TRAPPC9: variants seen among roughly 807,000 people sequenced by gnomAD.
TRAPPC9 encodes IKK2 binding protein.
In TRAPPC9, 83 loss-of-function variants were observed where a neutral mutation model predicts 124.0. That is an observed-to-expected ratio of 0.67 (90% CI 0.56 to 0.80). The LOEUF is 0.80. TRAPPC9 is among the 30% of genes least tolerant of loss of function. TRAPPC9 has a pLI of 0.00. For missense variants in TRAPPC9, 1,302 were observed against 1,508.3 expected (o/e 0.86, Z 2.27); for synonymous variants, 638 against 617.5 (o/e 1.03, Z -0.49).
chr8:140,051,462 C>T (rs1046101586), intron 17 of TRAPPC9, among the ~76,000 whole-genome samples: 40 of 152,240 alleles, frequency 2.6e-4, no homozygotes, highest in African/African-American at 7.0e-4. Context: ...TCTGAGGGGT[C>T]CCTCTCCCTT....
intron 21 of TRAPPC9, among the ~76,000 whole-genome samples, chr8:139,833,728 G>A (rs1043592658): frequency 5.3e-5 from 8 of 152,240 alleles, no homozygotes; most frequent in Admixed American, 3.9e-4. Flanking sequence ...CGCTGCTAAT[G>A]TGCAGTGTGG....
chr8:140,138,141 A>C (rs1321124135), intron 17 of TRAPPC9, among the ~76,000 whole-genome samples: 1 of 152,160 alleles, frequency 6.6e-6, no homozygotes, highest in Admixed American at 6.5e-5. Context: ...TCTCTGCTAA[A>C]AATACAAAAA....
chr8:139,816,859 C>A (rs763484524), intron 21 of TRAPPC9, among the ~76,000 whole-genome samples: 3 of 152,054 alleles, frequency 2.0e-5, no homozygotes, highest in African/African-American at 7.2e-5. Context: ...ACCAAACTCA[C>A]GGCCCGCCCT....
intron 20 of TRAPPC9, among the ~76,000 whole-genome samples, chr8:139,893,156 C>A (rs1394897778): frequency 6.6e-6 from 1 of 152,250 alleles, no homozygotes; most frequent in Non-Finnish European, 1.5e-5. Flanking sequence ...CTGTGCCCCA[C>A]AGCCCTGGCG....
chr8:139,784,459 G>A (rs144246225), intron 21 of TRAPPC9, among the ~76,000 whole-genome samples: 3,252 of 151,578 alleles, frequency 0.021, 104 homozygotes, highest in African/African-American at 0.075. Flanking sequence ...CTGTAATCCC[G>A]GCCACTCAGG....
chr8:140,264,177 A>T (rs2064532710), intron 15 of TRAPPC9, among the ~76,000 whole-genome samples: 1 of 152,216 alleles, frequency 6.6e-6, no homozygotes, highest in Non-Finnish European at 1.5e-5. Context: ...GGTAGCTCTC[A>T]TATGGCACTT....
chr8:140,280,804 C>G (rs1310011154), intron 14 of TRAPPC9, among the ~76,000 whole-genome samples: 2 of 152,200 alleles, frequency 1.3e-5, no homozygotes, highest in African/African-American at 4.8e-5. Context: ...TCAGTTTAGT[C>G]CCCACACCAC....
At chr8:140,363,197 T>A (rs186517869) in intron 8 of TRAPPC9, among the ~76,000 whole-genome samples, 1 of 152,112 alleles carries the variant, frequency 6.6e-6, no homozygotes, top group Non-Finnish European at 1.5e-5. Context: ...AAAGGCATGA[T>A]CAAAAATCTT....
At chr8:140,052,313 G>C (rs1587600563) in intron 17 of TRAPPC9, among the ~76,000 whole-genome samples, 1 of 152,152 alleles carries the variant, frequency 6.6e-6, no homozygotes, top group Non-Finnish European at 1.5e-5. Context: ...TTAAAAGTAA[G>C]TCTGGAATAA....
At chr8:140,293,671 C>A (rs531076716) in intron 11 of TRAPPC9, among the ~76,000 whole-genome samples, 1 of 151,518 alleles carries the variant, frequency 6.6e-6, no homozygotes, top group African/African-American at 2.4e-5. Context: ...ACAATGAGAA[C>A]ACATGGACAC....
chr8:140,451,721 C>T (rs1368938098), intron 1 of TRAPPC9, among the ~76,000 whole-genome samples: 1 of 152,132 alleles, frequency 6.6e-6, no homozygotes, highest in East Asian at 1.9e-4. Context: ...GTAATTGCTC[C>T]CCCATCCCCT....
At chr8:140,324,888 C>T (rs2131964811) in intron 9 of TRAPPC9, among the ~76,000 whole-genome samples, 1 of 150,050 alleles carries the variant, frequency 6.7e-6, no homozygotes, top group East Asian at 1.9e-4. Context: ...AACACTATAC[C>T]CCTCAACTGC....
At chr8:140,258,810 C>T (rs1472307230) in intron 15 of TRAPPC9, among the ~76,000 whole-genome samples, 3 of 152,234 alleles carry the variant, frequency 2.0e-5, no homozygotes, top group African/African-American at 7.2e-5. Flanking sequence ...GGGCCCAAGG[C>T]CTCAAGAACA....
intron 17 of TRAPPC9, among the ~76,000 whole-genome samples, chr8:140,126,442 C>T (rs893983132): frequency 5.9e-5 from 9 of 152,112 alleles, no homozygotes; most frequent in South Asian, 4.1e-4. Flanking sequence ...CAAGGAACGT[C>T]GGTGGAAGGG....
intron 12 of TRAPPC9, 98 bp from the exon 13 acceptor site, chr8:140,287,832 C>T: frequency 2.0e-6 from 3 of 1,538,440 alleles, no homozygotes; most frequent in Non-Finnish European, 2.7e-6. Flanking sequence ...CACATCGGAA[C>T]TGCTGGAATA....
intron 21 of TRAPPC9, among the ~76,000 whole-genome samples, chr8:139,762,666 G>A (rs1820319846): frequency 6.6e-6 from 1 of 152,190 alleles, no homozygotes; most frequent in Non-Finnish European, 1.5e-5. Flanking sequence ...TGACTGAAAT[G>A]GCATGTGGTG....
chr8:140,331,155 G>A (rs912829178), intron 9 of TRAPPC9, among the ~76,000 whole-genome samples: 1 of 150,368 alleles, frequency 6.7e-6, no homozygotes, highest in Non-Finnish European at 1.5e-5. Context: ...AAAGAACCCA[G>A]ATATAAACCC....
intron 7 of TRAPPC9, among the ~76,000 whole-genome samples, chr8:140,396,202 T>C (rs1423238270): frequency 2.1e-5 from 3 of 142,676 alleles, no homozygotes; most frequent in African/African-American, 7.8e-5. Flanking sequence ...AGTGCAGTGG[T>C]GTGATCTTGG....
chr8:140,323,222 A>G (rs1588150145), intron 9 of TRAPPC9, among the ~76,000 whole-genome samples: 2 of 152,226 alleles, frequency 1.3e-5, no homozygotes, highest in Admixed American at 6.5e-5. Context: ...GTACACCTGG[A>G]GAGGCATGAC....
Sources: allele counts gnomAD v4.1 joint callset (sites outside exome capture counted in the v4.1 genomes callset), GRCh38; gene constraint gnomAD v4.1.1; transcripts MANE v1.5; gene names NCBI Gene and HGNC (gene_info 2026-07-23, HGNC 2026-07-21).